The following PAFAH1B1 variants were observed in gnomAD, a reference collection of about 807,000 sequenced individuals.
The protein encoded by PAFAH1B1 is platelet-activating factor acetylhydrolase IB subunit beta.
PAFAH1B1 carries 2 observed loss-of-function variants against 57.5 expected under a neutral mutation model. The ratio of observed to expected loss-of-function variants is 0.03; its 90% CI spans 0.01 to 0.11. The LOEUF is 0.11. PAFAH1B1 is among the 10% of genes least tolerant of loss of function. PAFAH1B1 has a pLI of 1.00. For synonymous variants in PAFAH1B1, 152 were observed against 169.6 expected, an observed-to-expected ratio of 0.90 and a Z score of 0.81; for missense variants, 257 against 512.0, an observed-to-expected ratio of 0.50 and a Z score of 4.81.
At chr17:2,614,714 A>G (rs753650264) in intron 1 of PAFAH1B1, among the ~76,000 whole-genome samples, 9 of 152,162 alleles carry the variant, frequency 5.9e-5, no homozygotes, top group Admixed American at 2.6e-4. Context: ...AGCTAGGACT[A>G]CAGGCACATG....
intron 2 of PAFAH1B1, among the ~76,000 whole-genome samples, chr17:2,660,606 G>T (rs1567551986): frequency 6.6e-6 from 1 of 152,224 alleles, no homozygotes; most frequent in African/African-American, 2.4e-5. Flanking sequence ...TGGCTGCATA[G>T]TATTCCATGG....
intron 1 of PAFAH1B1, among the ~76,000 whole-genome samples, chr17:2,637,625 T>TA (rs1250773086): frequency 6.6e-6 from 1 of 152,186 alleles, no homozygotes. Flanking sequence ...ATGTTATAAA[T>TA]ACCGGCCATT....
chr17:2,636,369 T>C (rs1371348746), intron 1 of PAFAH1B1, among the ~76,000 whole-genome samples: 2 of 152,212 alleles, frequency 1.3e-5, no homozygotes, highest in Non-Finnish European at 2.9e-5. Context: ...AGAATTGTTC[T>C]TCAGATAAGG....
intron 1 of PAFAH1B1, among the ~76,000 whole-genome samples, chr17:2,631,447 G>A (rs1219998941): frequency 6.6e-6 from 1 of 152,226 alleles, no homozygotes; most frequent in East Asian, 1.9e-4. Flanking sequence ...TCTCCCTGTG[G>A]GGTTTTACCC....
At chr17:2,677,293 G>A (rs932755570) in intron 9 of PAFAH1B1, among the ~76,000 whole-genome samples, 19 of 152,160 alleles carry the variant, frequency 1.2e-4, no homozygotes, top group Non-Finnish European at 2.6e-4. Flanking sequence ...ATACCTCCTT[G>A]CTCACATGAT....
At chr17:2,652,211 C>T (rs571071715) in intron 2 of PAFAH1B1, among the ~76,000 whole-genome samples, 37 of 152,090 alleles carry the variant, frequency 2.4e-4, no homozygotes, top group Admixed American at 4.6e-4. Flanking sequence ...GAGATCGAGA[C>T]CATCCTGGCT....
intron 2 of PAFAH1B1, among the ~76,000 whole-genome samples, chr17:2,649,023 C>T (rs1026823220): frequency 9.9e-5 from 15 of 151,746 alleles, no homozygotes; most frequent in African/African-American, 3.4e-4. Context: ...ATCTACAGAG[C>T]CAACCTAAGG....
At chr17:2,631,923 G>T (rs2068560482) in intron 1 of PAFAH1B1, among the ~76,000 whole-genome samples, 1 of 152,086 alleles carries the variant, frequency 6.6e-6, no homozygotes, top group African/African-American at 2.4e-5. Context: ...GAAAATGTCA[G>T]ACCCTTCCAC....
In PAFAH1B1 at chr17:2,593,678, G is replaced by A. The variant is rs2068048072; in HGVS notation, c.-519G>A. 1.7e-5 allele frequency: 5 copies of A among 302,058 alleles called. No homozygotes were observed. Among genetic ancestry groups the A allele is most frequent in the Non-Finnish European group, 3.0e-5 (5 of 166,724 alleles). The allele number at this position is 302,058 out of a possible 1,614,324, so 18.7% of individuals were successfully genotyped here. A position where few individuals can be genotyped will look rare whatever the true frequency, so the allele number is the denominator to read the frequency against. ...CAGACGGAGCTGGAGCGGCGGGGCGGCGGCGGAGTCCGGCGGCCGGGAGAG... is the reference window on the plus strand; with the variant it reads ...CAGACGGAGCTGGAGCGGCGGGGCGACGGCGGAGTCCGGCGGCCGGGAGAG... On this transcript the variant is annotated 5_prime_UTR_variant, in exon 1 of 11. Transcript: ENST00000397195.
At chr17:2,635,960 A>G (rs995812456) in intron 1 of PAFAH1B1, among the ~76,000 whole-genome samples, 3 of 151,626 alleles carry the variant, frequency 2.0e-5, no homozygotes, top group African/African-American at 7.3e-5. Flanking sequence ...ATACAAAAAA[A>G]AAAAAAAAAA....
chr17:2,646,114 G>A (rs2068765091), intron 2 of PAFAH1B1, among the ~76,000 whole-genome samples: 1 of 152,024 alleles, frequency 6.6e-6, no homozygotes, highest in Non-Finnish European at 1.5e-5. Flanking sequence ...GACAAAATAA[G>A]TCTAAAGAAA....
At chr17:2,673,839 A>T in intron 7 of PAFAH1B1, 1 of 528,014 alleles carries the variant, frequency 1.9e-6, no homozygotes, top group East Asian at 3.2e-5. Flanking sequence ...TATTTCTTAT[A>T]CATATTTTAT....
Position 2,681,963 on chromosome 17 carries a change from C to A in PAFAH1B1, c.*161C>A. 1 of 604,464 alleles carries A rather than the reference C, an allele frequency of 1.7e-6. No individual in the cohort carries two copies. The highest frequency in any genetic ancestry group is 2.9e-6 in the Non-Finnish European group (1 of 341,896). The allele number at this position is 604,464 out of a possible 1,614,324, so 37.4% of individuals were successfully genotyped here. A position where few individuals can be genotyped will look rare whatever the true frequency, so the allele number is the denominator to read the frequency against. On this transcript the variant is annotated 3_prime_UTR_variant, in exon 11 of 11. Transcript: ENST00000397195. ...AAATGTTACACACAAAGTATTCATG[C>A]ATGGTGAATCCAAATTGTATACTGT...
At chr17:2,599,316 A>G (rs2068114744) in intron 1 of PAFAH1B1, among the ~76,000 whole-genome samples, 1 of 152,226 alleles carries the variant, frequency 6.6e-6, no homozygotes, top group Admixed American at 6.5e-5. Context: ...ACTCTTGGGT[A>G]CTGCTTTGTA....
chr17:2,624,811 G>C (rs1171864740), intron 1 of PAFAH1B1, among the ~76,000 whole-genome samples: 1 of 152,082 alleles, frequency 6.6e-6, no homozygotes, highest in Non-Finnish European at 1.5e-5. Context: ...TCAAAATATT[G>C]GAATTACAGG....
At chr17:2,656,828 G>A (rs906346273) in intron 2 of PAFAH1B1, among the ~76,000 whole-genome samples, 1 of 151,828 alleles carries the variant, frequency 6.6e-6, no homozygotes, top group African/African-American at 2.4e-5. Flanking sequence ...TAAAATTACT[G>A]TTTTCATTCA....
intron 9 of PAFAH1B1, among the ~76,000 whole-genome samples, chr17:2,679,235 A>G (rs2069324723): frequency 6.6e-6 from 1 of 152,266 alleles, no homozygotes. Context: ...TGATCTACAG[A>G]CAATGCTTTG....
At chr17:2,602,508 C>T (rs1482139091) in intron 1 of PAFAH1B1, among the ~76,000 whole-genome samples, 1 of 152,138 alleles carries the variant, frequency 6.6e-6, no homozygotes, top group East Asian at 1.9e-4. Flanking sequence ...ATTTTACCTC[C>T]TCGATATTTG....
At chr17:2,635,145 G>A (rs1200714968) in intron 1 of PAFAH1B1, among the ~76,000 whole-genome samples, 2 of 147,740 alleles carry the variant, frequency 1.4e-5, no homozygotes, top group African/African-American at 5.0e-5. Context: ...GGCAACAAGA[G>A]TGAAACTCTG....
Sources: allele counts gnomAD v4.1 joint callset (sites outside exome capture counted in the v4.1 genomes callset), GRCh38; gene constraint gnomAD v4.1.1; transcripts MANE v1.5; gene names NCBI Gene and HGNC (gene_info 2026-07-23, HGNC 2026-07-21).